Variants in ATP8B4 observed in about 807,000 individuals in gnomAD.
ATP8B4 encodes the protein probable phospholipid-transporting ATPase IM.
ATP8B4 carries 133 observed loss-of-function variants against 145.6 expected under a neutral mutation model. The observed-to-expected ratio is 0.91, with a 90% CI of 0.79 to 1.05. The LOEUF is 1.05. ATP8B4 is among the 50% of genes least tolerant of loss of function. ATP8B4 has a pLI of 0.00. For missense variants in ATP8B4, 1,458 were observed against 1,425.2 expected, an observed-to-expected ratio of 1.02 and a Z score of -0.37; for synonymous variants, 507 against 492.9, an observed-to-expected ratio of 1.03 and a Z score of -0.38.
intron 1 of ATP8B4, among the ~76,000 whole-genome samples, chr15:50,179,625 C>T (rs1015153751): frequency 6.7e-5 from 10 of 149,766 alleles, no homozygotes; most frequent in African/African-American, 2.5e-4. Context: ...GGAGGTAGAG[C>T]CTTTGGGGAG....
At chr15:50,123,046 C>A (rs187265501), upstream of ATP8B4, among the ~76,000 whole-genome samples, 14 of 152,254 alleles carry the variant, frequency 9.2e-5, no homozygotes, top group African/African-American at 3.1e-4. Flanking sequence ...CAACCCAGCA[C>A]CTGTCACATA....
chr15:50,178,005 A>T (rs947565841), intron 1 of ATP8B4, among the ~76,000 whole-genome samples: 1 of 152,204 alleles, frequency 6.6e-6, no homozygotes, highest in Non-Finnish European at 1.5e-5. Flanking sequence ...GAGATAGATG[A>T]TAGGGATGAA....
chr15:50,087,789 G>A (rs929233376), intron 2 of ATP8B4, among the ~76,000 whole-genome samples: 1 of 151,908 alleles, frequency 6.6e-6, no homozygotes, highest in Admixed American at 6.6e-5. Context: ...TTAAGTTAAT[G>A]TTAATTAACT....
chr15:49,881,765 C>A (rs890840328), intron 23 of ATP8B4, among the ~76,000 whole-genome samples: 1 of 152,132 alleles, frequency 6.6e-6, no homozygotes, highest in African/African-American at 2.4e-5. Context: ...GGATAGGGGG[C>A]ACGTGCCATA....
chr15:50,150,465 T>C (rs762146073), intron 1 of ATP8B4, among the ~76,000 whole-genome samples: 1 of 152,204 alleles, frequency 6.6e-6, no homozygotes, highest in Non-Finnish European at 1.5e-5. Context: ...TCAATCAACC[T>C]ATAGTTGGAT....
At chr15:49,956,296 T>C (rs1046241962) in intron 14 of ATP8B4, among the ~76,000 whole-genome samples, 4 of 152,222 alleles carry the variant, frequency 2.6e-5, no homozygotes, top group African/African-American at 9.6e-5. Flanking sequence ...CAGTTACTTA[T>C]GTTGGTCACA....
intron 14 of ATP8B4, among the ~76,000 whole-genome samples, chr15:49,936,384 G>A (rs926417893): frequency 6.6e-6 from 1 of 152,054 alleles, no homozygotes; most frequent in African/African-American, 2.4e-5. Flanking sequence ...GAGGCTTTCT[G>A]CTTGAAAATG....
chr15:50,143,131 T>C (rs574805492), intron 1 of ATP8B4, among the ~76,000 whole-genome samples: 1 of 152,336 alleles, frequency 6.6e-6, no homozygotes, highest in African/African-American at 2.4e-5. Flanking sequence ...GTAATTCTAG[T>C]TGGCTGCCAA....
intron 3 of ATP8B4, among the ~76,000 whole-genome samples, chr15:50,053,128 G>A (rs907975944): frequency 6.6e-6 from 1 of 152,166 alleles, no homozygotes; most frequent in African/African-American, 2.4e-5. Flanking sequence ...CATTTATCAA[G>A]CTCTTACTAT....
chr15:50,085,308 C>T (rs2054825177), intron 2 of ATP8B4, among the ~76,000 whole-genome samples: 1 of 152,118 alleles, frequency 6.6e-6, no homozygotes, highest in Admixed American at 6.5e-5. Context: ...CCACAGGGGG[C>T]TGAGACCATC....
intron 24 of ATP8B4, among the ~76,000 whole-genome samples, chr15:49,878,126 A>G (rs537449959): frequency 2.7e-4 from 41 of 152,040 alleles, no homozygotes; most frequent in Middle Eastern, 3.4e-3. Flanking sequence ...GCCTTATTAT[A>G]TTTTTTTTGA....
intron 21 of ATP8B4, among the ~76,000 whole-genome samples, chr15:49,900,196 C>T (rs1455412845): frequency 6.6e-6 from 1 of 152,168 alleles, no homozygotes; most frequent in Non-Finnish European, 1.5e-5. Flanking sequence ...TGTAACTTTC[C>T]ATGGTGTAGA....
intron 3 of ATP8B4, among the ~76,000 whole-genome samples, chr15:50,072,497 C>T (rs2053804594): frequency 6.6e-6 from 1 of 152,270 alleles, no homozygotes; most frequent in South Asian, 2.1e-4. Context: ...ACTTAGTAGA[C>T]ATTCCATAAA....
At chr15:50,179,804 A>T (rs2044817879) in intron 1 of ATP8B4, among the ~76,000 whole-genome samples, 1 of 152,142 alleles carries the variant, frequency 6.6e-6, no homozygotes, top group African/African-American at 2.4e-5. Context: ...TTGATCTTAG[A>T]CTTGCCTCCA....
intron 6 of ATP8B4, among the ~76,000 whole-genome samples, chr15:50,014,247 CCTGAG>C (rs1196028249): frequency 6.6e-6 from 1 of 152,014 alleles, no homozygotes; most frequent in Non-Finnish European, 1.5e-5. Flanking sequence ...TCCACTTAAC[CCTGAG>C]CTTGGTTTCT....
chr15:49,930,029 C>T (rs2041109557), intron 16 of ATP8B4, among the ~76,000 whole-genome samples: 2 of 151,784 alleles, frequency 1.3e-5, no homozygotes, highest in South Asian at 2.1e-4. Context: ...TCAGTGGACA[C>T]CAGCATATGA....
At chr15:49,937,912 G>A (rs1305352267) in intron 14 of ATP8B4, among the ~76,000 whole-genome samples, 1 of 152,134 alleles carries the variant, frequency 6.6e-6, no homozygotes, top group Non-Finnish European at 1.5e-5. Flanking sequence ...GCTGGGGATA[G>A]AATGGTAAAC....
Position 49,897,339 on chromosome 15 carries a change from T to C in ATP8B4, c.2650A>G (p.Thr884Ala). 2 of 1,613,562 alleles carry C rather than the reference T, an allele frequency of 1.2e-6. No individual in the cohort carries two copies. Among genetic ancestry groups the C allele is most frequent in the Non-Finnish European group, 1.7e-6 (2 of 1,179,804 alleles). ...CYFFYKNFAFTLVHFWFGFFC... is the reference protein window; with the variant it reads ...CYFFYKNFAFALVHFWFGFFC... ...AAACCAAACCAGAAATGCACAAGTG[T>C]AAATGCAAAATTCTTATAGAAGAAA... The change falls in exon 23 of 28, where the codon ACA (threonine) becomes GCA (alanine). Residue 884 changes from threonine to alanine, a missense_variant. Physicochemically the swap from Thr to Ala is moderately conservative, Grantham distance 58 (BLOSUM62 0). Transcript: ENST00000284509.
chr15:50,056,554 T>G (rs930641835), intron 3 of ATP8B4, among the ~76,000 whole-genome samples: 1 of 152,190 alleles, frequency 6.6e-6, no homozygotes, highest in African/African-American at 2.4e-5. Flanking sequence ...TGGGAATACG[T>G]GTCCCCTAGG....
Sources: gnomAD v4.1 joint callset for allele counts (sites outside exome capture counted in the v4.1 genomes callset) on GRCh38, gnomAD v4.1.1 for gene constraint, MANE v1.5 for transcripts, NCBI Gene and HGNC (gene_info 2026-07-23, HGNC 2026-07-21) for gene names.